SPMIP3: variants seen among roughly 807,000 people sequenced by gnomAD.
SPMIP3 encodes the protein sperm microtubule inner protein 3.
the SPMIP3 span, among the ~76,000 whole-genome samples, chr1:244,355,544 C>G: frequency 6.6e-6 from 1 of 151,978 alleles, no homozygotes; most frequent in East Asian, 1.9e-4. Flanking sequence ...AGCGCCACCA[C>G]GCCTGGCTAA....
chr1:244,387,876 T>C, the SPMIP3 span, among the ~76,000 whole-genome samples: 3 of 151,976 alleles, frequency 2.0e-5, no homozygotes, highest in African/African-American at 7.2e-5. Context: ...TGTGTTATTA[T>C]AAGTAACACA....
At chr1:244,364,757 G>T in the SPMIP3 span, 9 of 1,613,930 alleles carry the variant, frequency 5.6e-6, no homozygotes, top group Admixed American at 1.3e-4. Context: ...TCCCGCCAAG[G>T]TATAGTTCTT....
the SPMIP3 span, among the ~76,000 whole-genome samples, chr1:244,372,111 C>T: frequency 1.3e-5 from 2 of 152,186 alleles, no homozygotes; most frequent in Non-Finnish European, 2.9e-5. Flanking sequence ...CTGTCCATGT[C>T]TTGGCCCCTA....
At chr1:244,375,248 G>T in the SPMIP3 span, 2 of 671,628 alleles carry the variant, frequency 3.0e-6, no homozygotes, top group South Asian at 4.1e-5. Flanking sequence ...GGTTTTAGGG[G>T]CTCAGTGCCA....
the SPMIP3 span, among the ~76,000 whole-genome samples, chr1:244,366,745 T>C: frequency 9.0e-3 from 1,369 of 152,190 alleles, 25 homozygotes; most frequent in African/African-American, 0.031. Context: ...CCAGGCGTGG[T>C]GGCACACACC....
At chr1:244,361,704 A>G in the SPMIP3 span, among the ~76,000 whole-genome samples, 2 of 152,192 alleles carry the variant, frequency 1.3e-5, no homozygotes, top group Non-Finnish European at 2.9e-5. Context: ...TTATATATCT[A>G]TAATAATTAA....
At chr1:244,363,924 G>T in the SPMIP3 span, among the ~76,000 whole-genome samples, 2 of 152,128 alleles carry the variant, frequency 1.3e-5, no homozygotes, top group East Asian at 1.9e-4. Context: ...TCCTAGCCGG[G>T]ATTCTTGTTG....
chr1:244,384,844 A>G, the SPMIP3 span, among the ~76,000 whole-genome samples: 48 of 152,276 alleles, frequency 3.2e-4, no homozygotes, highest in Admixed American at 9.8e-4. Flanking sequence ...ACAGAATAAG[A>G]GAAAGAATAT....
At chr1:244,386,508 T>G in the SPMIP3 span, among the ~76,000 whole-genome samples, 1 of 152,216 alleles carries the variant, frequency 6.6e-6, no homozygotes, top group Non-Finnish European at 1.5e-5. Flanking sequence ...TTAAGTTGTG[T>G]ATGATTCAAC....
chr1:244,372,773 A>G, the SPMIP3 span, among the ~76,000 whole-genome samples: 2 of 152,210 alleles, frequency 1.3e-5, no homozygotes, highest in African/African-American at 4.8e-5. Context: ...CTGACTGCTC[A>G]GAATCTGTGG....
the SPMIP3 span, among the ~76,000 whole-genome samples, chr1:244,365,874 G>T: frequency 6.6e-6 from 1 of 152,152 alleles, no homozygotes; most frequent in African/African-American, 2.4e-5. Context: ...AACTGCTCCT[G>T]TGCTTCCTCT....
chr1:244,364,073 C>T, the SPMIP3 span, among the ~76,000 whole-genome samples: 1 of 152,020 alleles, frequency 6.6e-6, no homozygotes, highest in Admixed American at 6.6e-5. Flanking sequence ...GGAGACTATG[C>T]CCAGCTAACA....
At chr1:244,376,688 T>C in the SPMIP3 span, among the ~76,000 whole-genome samples, 1 of 152,250 alleles carries the variant, frequency 6.6e-6, no homozygotes, top group African/African-American at 2.4e-5. Context: ...ATACGATTTA[T>C]CCATTTAATT....
the SPMIP3 span, among the ~76,000 whole-genome samples, chr1:244,378,197 C>T: frequency 3.2e-4 from 49 of 152,170 alleles, no homozygotes; most frequent in African/African-American, 1.1e-3. Context: ...AGTGGCTGTG[C>T]ACGGGTGGAT....
the SPMIP3 span, among the ~76,000 whole-genome samples, chr1:244,363,792 G>T: frequency 1.3e-5 from 2 of 152,198 alleles, no homozygotes; most frequent in African/African-American, 2.4e-5. Context: ...GAGATGAGAC[G>T]CTGGAAAAGT....
chr1:244,364,805 A>T, the SPMIP3 span: 1 of 1,580,526 alleles, frequency 6.3e-7, no homozygotes, highest in Non-Finnish European at 8.7e-7. Context: ...CCAGGCAGCC[A>T]GGTGCCTGGG....
the SPMIP3 span, among the ~76,000 whole-genome samples, chr1:244,384,223 G>C: frequency 6.6e-6 from 1 of 152,132 alleles, no homozygotes; most frequent in Non-Finnish European, 1.5e-5. Context: ...CTTTTTTTGA[G>C]ACAGGGTCTC....
the SPMIP3 span, among the ~76,000 whole-genome samples, chr1:244,379,153 C>T: frequency 3.3e-5 from 5 of 151,712 alleles, no homozygotes; most frequent in Non-Finnish European, 5.9e-5. Context: ...TGGTCTCGAA[C>T]TCCTGACCTC....
the SPMIP3 span, among the ~76,000 whole-genome samples, chr1:244,379,227 C>T: frequency 7.1e-5 from 10 of 140,074 alleles, no homozygotes; most frequent in African/African-American, 2.1e-4. Context: ...TGCGCCCGGC[C>T]TTTTTTTTTT....
Sources: gnomAD v4.1 joint callset for allele counts (sites outside exome capture counted in the v4.1 genomes callset) on GRCh38, gnomAD v4.1.1 for gene constraint, MANE v1.5 for transcripts, NCBI Gene and HGNC (gene_info 2026-07-23, HGNC 2026-07-21) for gene names.